The following KIAA1549L variants were observed in gnomAD, a reference collection of about 807,000 sequenced individuals.
The protein encoded by KIAA1549L is UPF0606 protein KIAA1549L.
A neutral mutation model predicts 160.7 loss-of-function variants in KIAA1549L; 88 were observed. The observed-to-expected ratio is 0.55, with a 90% CI of 0.46 to 0.65. The LOEUF (loss-of-function observed/expected upper bound fraction) is 0.65. KIAA1549L is among the 30% of genes least tolerant of loss of function. The pLI is 0.00. For missense variants in KIAA1549L, 2,258 were observed against 2,437.5 expected (o/e 0.93, Z 1.55); for synonymous variants, 950 against 976.7 (o/e 0.97, Z 0.51).
intron 1 of KIAA1549L, among the ~76,000 whole-genome samples, chr11:33,437,105 C>T (rs962257958): frequency 1.3e-5 from 2 of 152,088 alleles, no homozygotes; most frequent in South Asian, 4.1e-4. Context: ...ATATTCCAGC[C>T]CTTAAATATT....
intron 1 of KIAA1549L, among the ~76,000 whole-genome samples, chr11:33,490,150 C>T (rs2133065148): frequency 6.6e-6 from 1 of 152,130 alleles, no homozygotes; most frequent in African/African-American, 2.4e-5. Context: ...CATGGCAAAT[C>T]AGGAAAGTGG....
intron 1 of KIAA1549L, among the ~76,000 whole-genome samples, chr11:33,427,764 C>T (rs943589276): frequency 6.6e-6 from 1 of 152,172 alleles, no homozygotes; most frequent in South Asian, 2.1e-4. Flanking sequence ...AACCCCCTTA[C>T]TAGTTAAGTA....
At chr11:33,607,627 G>C (rs1186313903) in intron 14 of KIAA1549L, among the ~76,000 whole-genome samples, 4 of 152,142 alleles carry the variant, frequency 2.6e-5, no homozygotes, top group African/African-American at 9.7e-5. Flanking sequence ...CTGTCAGGTT[G>C]GTTGTTAATT....
intron 1 of KIAA1549L, among the ~76,000 whole-genome samples, chr11:33,476,204 C>T (rs367790032): frequency 2.0e-5 from 3 of 152,334 alleles, no homozygotes; most frequent in East Asian, 1.9e-4. Context: ...GACAAGTTTA[C>T]TCTGTAATCA....
intron 1 of KIAA1549L, among the ~76,000 whole-genome samples, chr11:33,520,275 A>G (rs1277073307): frequency 2.6e-5 from 4 of 152,080 alleles, no homozygotes; most frequent in African/African-American, 9.7e-5. Context: ...CCCTTTGACC[A>G]ACACTTCCCC....
chr11:33,602,379 A>T (rs1466027198), intron 13 of KIAA1549L, among the ~76,000 whole-genome samples: 1 of 152,242 alleles, frequency 6.6e-6, no homozygotes, highest in Non-Finnish European at 1.5e-5. Context: ...CTTCCCAATG[A>T]AGTGAAGACT....
chr11:33,435,784 A>ATGTGTGTGTGTGTGTGTGTGTGTG (rs1180781136), intron 1 of KIAA1549L, among the ~76,000 whole-genome samples: 1 of 20,654 alleles, frequency 4.8e-5, no homozygotes, highest in African/African-American at 3.1e-4. Flanking sequence ...ATATATATAT[A>ATGTGTGTGTGTGTGTGTGTGTGTG]TATATATATA....
In KIAA1549L at chr11:33,670,933, G is replaced by A. The variant is rs947616304; in HGVS notation, c.*2779G>A. 1.3e-5 allele frequency: 2 copies of A among 152,098 alleles called. No homozygotes were observed. The highest frequency in any genetic ancestry group is 6.5e-5 in the Admixed American group (1 of 15,270). The allele number at this position is 152,098 out of a possible 1,614,324, so 9.4% of individuals were successfully genotyped here. The stretch of plus-strand genomic sequence containing the variant: ...CACGAACCTGCTTGCTTTCCATCTC[G>A]CCATGTGGCCTGCAGGCTTGTCAGT... On this transcript the variant is annotated 3_prime_UTR_variant, in exon 21 of 21. Transcript: ENST00000658780.
rs760748167 is a variant in KIAA1549L at position 33,629,030 on chromosome 11, C to T, written c.5409+10368C>T. Among the ~76,000 whole-genome samples the T allele has an allele frequency of 8.9e-3, 1,350 of 151,290 alleles. 12 individuals carry two copies. The highest frequency in any genetic ancestry group is 0.012 in the Non-Finnish European group (791 of 67,982). On this transcript the variant is annotated intron_variant, in intron 16 of 20. Transcript: ENST00000658780. ...TGCTTGTCTGTAAAGTATTTTATTT[C>T]TCCTTCACTTACGAAGCTTAGTTTG...
intron 1 of KIAA1549L, among the ~76,000 whole-genome samples, chr11:33,430,704 G>A (rs980126361): frequency 2.6e-5 from 4 of 152,182 alleles, no homozygotes; most frequent in African/African-American, 9.7e-5. Flanking sequence ...AGTCATGTAG[G>A]CAGCCATGGT....
intron 3 of KIAA1549L, 137 bp from the exon 4 acceptor site, chr11:33,547,627 A>C: frequency 1.6e-6 from 1 of 608,864 alleles, no homozygotes; most frequent in Non-Finnish European, 2.9e-6. Context: ...ACCCCAGCGC[A>C]CCCCCTCAAT....
intron 1 of KIAA1549L, among the ~76,000 whole-genome samples, chr11:33,397,068 C>G (rs1850390979): frequency 6.6e-6 from 1 of 151,378 alleles, no homozygotes; most frequent in Non-Finnish European, 1.5e-5. Flanking sequence ...CGCGGTAGCT[C>G]ACGCCTGCAA....
intron 1 of KIAA1549L, among the ~76,000 whole-genome samples, chr11:33,507,958 A>G (rs957619307): frequency 6.6e-6 from 1 of 152,224 alleles, no homozygotes; most frequent in African/African-American, 2.4e-5. Flanking sequence ...TTGAACTTTC[A>G]GGAATAACTG....
At chr11:33,436,343 G>T (rs1851380841) in intron 1 of KIAA1549L, among the ~76,000 whole-genome samples, 1 of 152,226 alleles carries the variant, frequency 6.6e-6, no homozygotes, top group Non-Finnish European at 1.5e-5. Context: ...AGAGCCAATG[G>T]TATAATTTCC....
chr11:33,563,521 C>A (rs1007502298), intron 8 of KIAA1549L, among the ~76,000 whole-genome samples: 1 of 152,142 alleles, frequency 6.6e-6, no homozygotes, highest in African/African-American at 2.4e-5. Context: ...AAGCAAGCAG[C>A]AGATGGGCTG....
At chr11:33,650,622 T>A (rs190632949) in intron 17 of KIAA1549L, among the ~76,000 whole-genome samples, 1 of 152,154 alleles carries the variant, frequency 6.6e-6, no homozygotes, top group African/African-American at 2.4e-5. Context: ...CATAGCCGTA[T>A]CCTCTTTCTC....
intron 1 of KIAA1549L, among the ~76,000 whole-genome samples, chr11:33,521,200 A>G (rs1853484750): frequency 6.6e-6 from 1 of 151,834 alleles, no homozygotes; most frequent in African/African-American, 2.4e-5. Flanking sequence ...TAAAAGGTAA[A>G]CTCTTCATAT....
intron 1 of KIAA1549L, among the ~76,000 whole-genome samples, chr11:33,430,045 T>TCCTTCCTTCCTTCCTTCCTTCCTCCCTC (rs538132465): frequency 1.2e-4 from 15 of 128,998 alleles, no homozygotes; most frequent in South Asian, 1.0e-3. Flanking sequence ...CTTCCTTCCT[T>TCCTTCCTTCCTTCCTTCCTTCCTCCCTC]CCTCCCTTCC....
chr11:33,504,876 C>A (rs970702675), intron 1 of KIAA1549L, among the ~76,000 whole-genome samples: 5 of 152,322 alleles, frequency 3.3e-5, no homozygotes, highest in Middle Eastern at 3.4e-3. Context: ...AAGCAATCTT[C>A]CTGCCTCAGT....
Sources: allele counts gnomAD v4.1 joint callset (sites outside exome capture counted in the v4.1 genomes callset), GRCh38; gene constraint gnomAD v4.1.1; transcripts MANE v1.5; gene names NCBI Gene and HGNC (gene_info 2026-07-23, HGNC 2026-07-21).